Variants in GALNT17 observed in about 807,000 individuals in gnomAD.
GALNT17 encodes polypeptide N-acetylgalactosaminyltransferase 17.
GALNT17 carries 29 observed loss-of-function variants against 63.7 expected under a neutral mutation model. The observed-to-expected ratio is 0.46, with a 90% CI of 0.34 to 0.62. GALNT17 has a LOEUF of 0.62. GALNT17 is among the 20% of genes least tolerant of loss of function. The probability of loss-of-function intolerance (pLI) is 0.01; values close to 1 mark genes in which losing one functional copy is unlikely to be tolerated. For missense variants in GALNT17, 603 were observed against 799.6 expected (o/e 0.75, Z 2.97); for synonymous variants, 305 against 318.3 (o/e 0.96, Z 0.45).
At chr7:71,401,446 C>G (rs528227239) in intron 3 of GALNT17, among the ~76,000 whole-genome samples, 5 of 152,058 alleles carry the variant, frequency 3.3e-5, no homozygotes, top group South Asian at 4.2e-4. Context: ...TTTAATTTAC[C>G]TTGTTACCTT....
intron 5 of GALNT17, among the ~76,000 whole-genome samples, chr7:71,430,082 A>G (rs1211814895): frequency 6.6e-6 from 1 of 152,122 alleles, no homozygotes; most frequent in Non-Finnish European, 1.5e-5. Context: ...CCTGGCCTCA[A>G]GCAATCCTCT....
chr7:71,484,522 G>A (rs1787877137), intron 5 of GALNT17, among the ~76,000 whole-genome samples: 1 of 152,148 alleles, frequency 6.6e-6, no homozygotes, highest in African/African-American at 2.4e-5. Flanking sequence ...ATAATTGTAT[G>A]TGTGATACTT....
At chr7:71,347,165 T>C (rs914655479) in intron 2 of GALNT17, among the ~76,000 whole-genome samples, 4 of 152,182 alleles carry the variant, frequency 2.6e-5, no homozygotes, top group African/African-American at 9.7e-5. Context: ...CATCCCACTT[T>C]TGCAGATTCC....
intron 1 of GALNT17, among the ~76,000 whole-genome samples, chr7:71,139,726 C>T (rs1787851445): frequency 6.6e-6 from 1 of 152,158 alleles, no homozygotes; most frequent in Non-Finnish European, 1.5e-5. Context: ...GGCACGGTGG[C>T]TCAAGCCTGT....
chr7:71,543,388 GTC>G (rs1214193812), intron 5 of GALNT17, among the ~76,000 whole-genome samples: 1 of 152,178 alleles, frequency 6.6e-6, no homozygotes, highest in African/African-American at 2.4e-5. Context: ...GCTCAAATCT[GTC>G]TCTCTGTGCT....
intron 1 of GALNT17, among the ~76,000 whole-genome samples, chr7:71,189,160 G>A (rs116618218): frequency 0.018 from 2,724 of 152,204 alleles, 86 homozygotes; most frequent in African/African-American, 0.062. Flanking sequence ...TACTATCCTC[G>A]TGGTAGTGAA....
chr7:71,615,136 G>A (rs1157365407), intron 6 of GALNT17, among the ~76,000 whole-genome samples: 2 of 152,220 alleles, frequency 1.3e-5, no homozygotes, highest in African/African-American at 4.8e-5. Context: ...CTGGGAGGCT[G>A]CTGGGGAGAT....
intron 6 of GALNT17, among the ~76,000 whole-genome samples, chr7:71,621,577 G>A (rs1366175923): frequency 4.0e-5 from 6 of 151,692 alleles, no homozygotes; most frequent in South Asian, 2.1e-4. Context: ...ATGGATGGAT[G>A]GATGGATGGA....
At chr7:71,703,028 A>G (rs927751698) in intron 9 of GALNT17, among the ~76,000 whole-genome samples, 3 of 152,170 alleles carry the variant, frequency 2.0e-5, no homozygotes, top group Non-Finnish European at 4.4e-5. Context: ...AATTGAGAGA[A>G]ATTTTTGGTT....
At chr7:71,573,000 ATTTAT>A (rs368403918) in intron 6 of GALNT17, among the ~76,000 whole-genome samples, 1 of 151,292 alleles carries the variant, frequency 6.6e-6, no homozygotes, top group African/African-American at 2.4e-5. Flanking sequence ...TTTTTTATTT[ATTTAT>A]TTTATTTTAT....
chr7:71,328,211 G>C (rs1791737512), intron 1 of GALNT17, among the ~76,000 whole-genome samples: 1 of 152,144 alleles, frequency 6.6e-6, no homozygotes, highest in African/African-American at 2.4e-5. Context: ...TCAGCTGTTA[G>C]GTGCAAAAGT....
intron 5 of GALNT17, among the ~76,000 whole-genome samples, chr7:71,515,422 A>G (rs1407278096): frequency 6.6e-6 from 1 of 152,142 alleles, no homozygotes; most frequent in South Asian, 2.1e-4. Context: ...ATTATGTAAC[A>G]AGCTACATCA....
chr7:71,236,876 G>A (rs367657402), intron 1 of GALNT17, among the ~76,000 whole-genome samples: 1 of 152,192 alleles, frequency 6.6e-6, no homozygotes, highest in African/African-American at 2.4e-5. Context: ...AAGCCAGGAC[G>A]GGGAAGGGAA....
At chr7:71,322,253 C>T (rs1233799118) in intron 1 of GALNT17, among the ~76,000 whole-genome samples, 3 of 152,042 alleles carry the variant, frequency 2.0e-5, no homozygotes, top group South Asian at 2.1e-4. Context: ...CATGCCTGGC[C>T]TCAATTTTCT....
Position 71,519,776 on chromosome 7 carries a change from T to G in GALNT17, c.963-51509T>G, listed in dbSNP as rs538012734. ...ACCGTGCCCAGCCTAGTATTTTAAG[T>G]TAGACTTTTGTCCTCCCTTTTTGTG... On this transcript the variant is annotated intron_variant, in intron 5 of 10. Transcript: ENST00000333538. Among the ~76,000 whole-genome samples, 5 of 152,246 alleles carry G rather than the reference T, an allele frequency of 3.3e-5. No homozygotes were observed. In the South Asian group the frequency reaches 1.0e-3, roughly 32 times the overall value.
chr7:71,506,643 TAG>T (rs1480752413), intron 5 of GALNT17, among the ~76,000 whole-genome samples: 1 of 152,228 alleles, frequency 6.6e-6, no homozygotes, highest in Non-Finnish European at 1.5e-5. Flanking sequence ...ATGGGGTACA[TAG>T]AGATGTTTCA....
intron 1 of GALNT17, among the ~76,000 whole-genome samples, chr7:71,296,474 G>A (rs1421271186): frequency 6.6e-6 from 1 of 151,980 alleles, no homozygotes; most frequent in Non-Finnish European, 1.5e-5. Context: ...AATTAGCCGG[G>A]CATGGTGGCA....
At chr7:71,277,011 T>A (rs184355534) in intron 1 of GALNT17, among the ~76,000 whole-genome samples, 1 of 151,818 alleles carries the variant, frequency 6.6e-6, no homozygotes, top group African/African-American at 2.4e-5. Flanking sequence ...AATAAATAAA[T>A]AAATAAAGAA....
chr7:71,534,749 A>G (rs1401288379), intron 5 of GALNT17, among the ~76,000 whole-genome samples: 4 of 152,124 alleles, frequency 2.6e-5, no homozygotes, highest in African/African-American at 4.8e-5. Context: ...TCAAGATGAG[A>G]TTTGAGTGGG....
Sources: gnomAD v4.1 joint callset for allele counts (sites outside exome capture counted in the v4.1 genomes callset) on GRCh38, gnomAD v4.1.1 for gene constraint, MANE v1.5 for transcripts, NCBI Gene and HGNC (gene_info 2026-07-23, HGNC 2026-07-21) for gene names.